The following SNRNP200 variants were observed in gnomAD, a reference collection of about 807,000 sequenced individuals.
SNRNP200 encodes the protein U5 small nuclear ribonucleoprotein 200 kDa helicase.
In SNRNP200, 66 loss-of-function variants were observed where a neutral mutation model predicts 255.2. The ratio of observed to expected loss-of-function variants is 0.26; its 90% confidence interval spans 0.21 to 0.32. The LOEUF is 0.32. SNRNP200 is among the 10% of genes least tolerant of loss of function. SNRNP200 has a pLI of 1.00. For missense variants in SNRNP200, 1,585 were observed against 2,749.8 expected, an observed-to-expected ratio of 0.58 and a Z score of 9.47; for synonymous variants, 939 against 1,027.8, an observed-to-expected ratio of 0.91 and a Z score of 1.65.
At chr2:96,304,472 C>T (rs2063974545) in intron 2 of SNRNP200, among the ~76,000 whole-genome samples, 4 of 152,170 alleles carry the variant, frequency 2.6e-5, no homozygotes, top group Non-Finnish European at 4.4e-5. Context: ...TAAGATCTGT[C>T]TATGGACCAG....
rs1019996526 is a variant in SNRNP200 at position 96,286,202 on chromosome 2, C to G, written c.4003+109G>C. The G allele has an allele frequency of 1.8e-6, 2 of 1,085,476 alleles. No homozygotes were observed. The highest frequency in any genetic ancestry group is 1.5e-5 in the African/African-American group (1 of 64,716). The allele number at this position is 1,085,476 out of a possible 1,614,324, so 67.2% of individuals were successfully genotyped here. A position where few individuals can be genotyped will look rare whatever the true frequency, so the allele number is the denominator to read the frequency against. ...GGGTCCCAGCGGTCACACTGAGGAG[C>G]TCCCAGACCTCCCAAGTGCCTGAGC... is the stretch of plus-strand genomic sequence containing the variant. On this transcript the variant is annotated intron_variant, in intron 29 of 44. Coordinates refer to ENST00000323853, the MANE Select transcript of SNRNP200 (RefSeq NM_014014.5). The surrounding 1 kb of genome is among the most constrained non-coding windows in gnomAD (Gnocchi z 4.8).
chr2:96,289,475 T>C, intron 21 of SNRNP200, 96 bp from the exon 22 acceptor site: 1 of 1,260,064 alleles, frequency 7.9e-7, no homozygotes. Flanking sequence ...TTTTTTGTAC[T>C]TTTTTTTTGG....
rs2104326948 is a variant in SNRNP200 at position 96,274,992 on chromosome 2, A to G, written c.*20T>C. ...ATTCAGGCTCAACTCTCCTTTACCC[A>G]AAAGTAAATGCCTCAGGACTCAATC... On this transcript the variant is annotated 3_prime_UTR_variant, in exon 45 of 45. Transcript: ENST00000323853. The G allele has an allele frequency of 1.9e-6, 3 of 1,613,210 alleles. No homozygotes were observed. The highest frequency in any genetic ancestry group is 2.5e-6 in the Non-Finnish European group (3 of 1,179,866).
At position 96,274,481 on chromosome 2, in the gene SNRNP200, C is replaced by T. The variant is rs947699309; in HGVS notation, c.*531G>A. On this transcript the variant is annotated 3_prime_UTR_variant, in exon 45 of 45. Coordinates refer to ENST00000323853, the MANE Select transcript of SNRNP200 (RefSeq NM_014014.5). ...AACCCCTAACCTGTGATCTAGCTTC[C>T]GAGGCTCAGTGTTGGTTCTTGTGGT... 3.5e-5 allele frequency: 6 copies of T among 169,858 alleles called. No homozygotes were observed. Among genetic ancestry groups the T allele is most frequent in the African/African-American group, 7.2e-5 (3 of 41,644 alleles). 10.5% of individuals were successfully genotyped at this position (169,858 alleles called of 1,614,324 possible).
chr2:96,284,820 G>A, intron 30 of SNRNP200: 1 of 559,746 alleles, frequency 1.8e-6, no homozygotes, highest in Non-Finnish European at 3.2e-6. Flanking sequence ...TGCGAACTTG[G>A]CTCACTGCAA....
Position 96,301,689 on chromosome 2 carries a change from C to T in SNRNP200, c.409G>A (p.Asp137Asn). 6.2e-7 allele frequency: 1 copy of T among 1,614,174 alleles called. No homozygotes were observed. The highest frequency in any genetic ancestry group is 2.2e-5 in the East Asian group (1 of 44,880). ...QPRDILCGAA[D>N]EVLAVLKNEK... ...TTCTTTAGAACAGCTAGAACTTCAT[C>T]AGCTGCCCCACAAAGGATATCACGT... The change falls in exon 4 of 45, where the codon GAT (aspartate) becomes AAT (asparagine). Residue 137 changes from aspartate to asparagine, a missense_variant. By Grantham distance (23) the Asp-to-Asn change is conservative. Transcript: ENST00000323853.
chr2:96,290,959 C>T lies in SNRNP200; in HGVS notation c.2422-144G>A, dbSNP rs1435127317. The T allele has an allele frequency of 9.1e-6, 8 of 878,526 alleles. No individual in the cohort carries two copies. Among genetic ancestry groups the T allele is most frequent in the Non-Finnish European group, 1.1e-5 (6 of 542,004 alleles). The allele number at this position is 878,526 out of a possible 1,614,324, so 54.4% of individuals were successfully genotyped here. On this transcript the variant is annotated intron_variant, in intron 18 of 44. Transcript: ENST00000323853. This position sits in a 1 kb window ranked among gnomAD's most constrained non-coding sequence, Gnocchi z 4.5. ...GGGGTCCCAGTACTTGTCAATGTGA[C>T]ACCAGAATAAAGAGGAAAGGTTTCC...
Position 96,287,182 on chromosome 2 carries a change from G to A in SNRNP200, c.3485-22C>T, listed in dbSNP as rs201115110. 1.7e-4 allele frequency: 267 copies of A among 1,614,130 alleles called. No homozygotes were observed. The highest frequency in any genetic ancestry group is 1.9e-4 in the Non-Finnish European group (223 of 1,180,008). ...TCCCCTACAAGGAAATGAGAGTACT[G>A]AGGCTGCAGCCCAGCCTGCCTACTA... On this transcript the variant is annotated intron_variant, in intron 26 of 44. Transcript: ENST00000323853. The surrounding 1 kb of genome is among the most constrained non-coding windows in gnomAD (Gnocchi z 5.7).
intron 16 of SNRNP200, 103 bp downstream of exon 16, chr2:96,292,869 T>A (rs532179180): frequency 7.3e-7 from 1 of 1,366,636 alleles, no homozygotes; most frequent in African/African-American, 1.4e-5. Flanking sequence ...GTGATTTATG[T>A]TGTGTCTTCT....
In SNRNP200 at chr2:96,286,815, C is replaced by A; in HGVS notation, c.3702G>T (p.Leu1234=). ...CCTTGAGGAGAAAATACTCATGGTG[C>A]AGAATCACCTCGCTGTCCACATCCT... is the stretch of plus-strand genomic sequence containing the variant. ...LVEDVDSEVI[L]HHEYFLLKAK... Residue 1234 remains leucine, a synonymous_variant, in exon 28 of 45, where the codon CTG becomes CTT. Transcript: ENST00000323853. The surrounding 1 kb of genome is among the most constrained non-coding windows in gnomAD (Gnocchi z 4.8). 6.2e-7 allele frequency: 1 copy of A among 1,614,174 alleles called. No individual in the cohort carries two copies.
At position 96,277,596 on chromosome 2, in the gene SNRNP200, T is replaced by A. The variant is rs780021371; in HGVS notation, c.5874A>T (p.Ser1958=). 1 of 1,613,738 alleles carries A rather than the reference T, an allele frequency of 6.2e-7. No homozygotes were observed. The highest frequency in any genetic ancestry group is 2.2e-5 in the East Asian group (1 of 44,902). Reference sequence around the variant, plus strand: ...TGAAGTGTGGCAGCTGCTTCAGGTATGAGTCCTTGGACCACATGGCTTGGG... The same window carrying A: ...TGAAGTGTGGCAGCTGCTTCAGGTAAGAGTCCTTGGACCACATGGCTTGGG... ...MVTQAMWSKD[S]YLKQLPHFTS... is the part of the protein sequence containing the mutation. Residue 1958 remains serine (S), a synonymous_variant, in exon 41 of 45, where the codon TCA becomes TCT. Transcript: ENST00000323853. The surrounding 1 kb of genome is among the most constrained non-coding windows in gnomAD (Gnocchi z 4.4).
intron 43 of SNRNP200, among the ~76,000 whole-genome samples, chr2:96,275,799 G>C (rs1212385464): frequency 1.3e-5 from 2 of 152,214 alleles, no homozygotes; most frequent in Non-Finnish European, 2.9e-5. Context: ...CCAGGAGATC[G>C]AGACCATACT....
rs1375611966 is a variant in SNRNP200, at chr2:96,301,778, G to A, written c.382-62C>T. ...ACGACAGGCAAAACATCTTCAACCA[G>A]GTGTATGTGGCGGCAGGATGTGAAG... On this transcript the variant is annotated intron_variant, in intron 3 of 44. Coordinates refer to ENST00000323853, the MANE Select transcript of SNRNP200 (RefSeq NM_014014.5). 2.5e-6 allele frequency: 4 copies of A among 1,579,830 alleles called. No homozygotes were observed. In the East Asian group the frequency reaches 6.7e-5, roughly 26 times the overall value.
At position 96,305,474 on chromosome 2, in the gene SNRNP200, T is replaced by TC. The variant is rs774505082; in HGVS notation, c.-38dup. 1.6e-5 allele frequency: 26 copies of TC among 1,612,956 alleles called. No individual in the cohort carries two copies. In the South Asian group the frequency reaches 2.6e-4, roughly 16 times the overall value. On this transcript the variant is annotated 5_prime_UTR_variant, in exon 1 of 45. Transcript: ENST00000323853. ...CTCGGAGGCTTCAGACCACCACGCCTCCCTACCGCAAGCTGCAAACGGCCG... is the reference window on the plus strand; with the variant it reads ...CTCGGAGGCTTCAGACCACCACGCCTCCCCTACCGCAAGCTGCAAACGGCCG...
rs1558762844 is a variant in SNRNP200 at position 96,277,730 on chromosome 2, G to A, written c.5755-15C>T. Reference sequence around the variant, plus strand: ...AGCCGGATTGCCTGAACAGGAAAAGGAGTATAAAAGTGGGCGGAGTTGGAG... The same window carrying A: ...AGCCGGATTGCCTGAACAGGAAAAGAAGTATAAAAGTGGGCGGAGTTGGAG... On this transcript the variant is annotated splice_polypyrimidine_tract_variant and intron_variant, in intron 40 of 44. Transcript: ENST00000323853. The surrounding 1 kb of genome is among the most constrained non-coding windows in gnomAD (Gnocchi z 4.4). The A allele has an allele frequency of 1.2e-6, 2 of 1,614,152 alleles. No individual in the cohort carries two copies. Among genetic ancestry groups the A allele is most frequent in the Non-Finnish European group, 1.7e-6 (2 of 1,180,034 alleles).
chr2:96,287,133 C>T lies in SNRNP200; in HGVS notation c.3512G>A (p.Gly1171Glu). Reference sequence around the variant, plus strand: ...ATGGACATATTTGTGGATGGTCTTCCCCATCTTTGGCATGCGGATAAGCTC... The same window carrying T: ...ATGGACATATTTGTGGATGGTCTTCTCCATCTTTGGCATGCGGATAAGCTC... ...IGELIRMPKM[G>E]KTIHKYVHLF... is the part of the protein sequence containing the mutation. The change falls in exon 27 of 45, where the codon GGG becomes GAG. Residue 1171 changes from glycine (G) to glutamate (E), a missense_variant. By Grantham distance (98) the Gly-to-Glu change is moderately conservative (BLOSUM62 -2). This residue lies in a region of SNRNP200 where 719 missense variants were observed against 1,091.1 expected (regional missense o/e 0.66). Transcript: ENST00000323853. The surrounding 1 kb of genome is among the most constrained non-coding windows in gnomAD (Gnocchi z 5.7). 6.2e-7 allele frequency: 1 copy of T among 1,614,188 alleles called. No individual in the cohort carries two copies. The highest frequency in any genetic ancestry group is 8.5e-7 in the Non-Finnish European group (1 of 1,180,022).
Position 96,283,450 on chromosome 2 carries a change from C to G in SNRNP200, c.4763+85G>C. On this transcript the variant is annotated intron_variant, in intron 33 of 44. Coordinates refer to ENST00000323853, the MANE Select transcript of SNRNP200 (RefSeq NM_014014.5). The surrounding 1 kb of genome is among the most constrained non-coding windows in gnomAD (Gnocchi z 4.7). ...CCTGGCCCCAAGCAACATGGGCTAA[C>G]CCCACCCTCATAAAGAGGACACCCT... The G allele has an allele frequency of 6.2e-7, 1 of 1,612,386 alleles. No homozygotes were observed. The highest frequency in any genetic ancestry group is 8.5e-7 in the Non-Finnish European group (1 of 1,178,830).
Position 96,303,204 on chromosome 2 carries a change from G to T in SNRNP200, c.336C>A (p.Thr112=), listed in dbSNP as rs143313285. The change falls in exon 3 of 45, where the codon ACC becomes ACA. Residue 112 remains threonine (T), a synonymous_variant. Transcript: ENST00000323853. ...YKPKTKETRE[T]YEVLLSFIQA... is the part of the protein sequence containing the mutation. ...GGATGAAGCTGAGTAGCACCTCATA[G>T]GTCTCCCGAGTCTCTTTAGTTTTGG... 2.2e-5 allele frequency: 36 copies of T among 1,614,056 alleles called. No homozygotes were observed. The African/African-American group carries it at 4.4e-4, about 20-fold the overall frequency.
rs549581234 is a variant in SNRNP200, at chr2:96,287,846, G to A, written c.3365+17C>T. 4.3e-6 allele frequency: 7 copies of A among 1,609,764 alleles called. No homozygotes were observed. In the South Asian group the frequency reaches 6.6e-5, roughly 15 times the overall value. ...CCCCACTCATGGTGACCAGCATCCA[G>A]CTCACTGGGTCCTTACATGCGTTTG... On this transcript the variant is annotated intron_variant, in intron 25 of 44. Coordinates refer to ENST00000323853, the MANE Select transcript of SNRNP200 (RefSeq NM_014014.5). This position sits in a 1 kb window ranked among gnomAD's most constrained non-coding sequence, Gnocchi z 5.7.
Sources: gnomAD v4.1 joint callset for allele counts (sites outside exome capture counted in the v4.1 genomes callset) on GRCh38, gnomAD v4.1.1 for gene constraint, gnomAD v4.1.1 regional missense constraint, Gnocchi (gnomAD v3.1) non-coding constraint, MANE v1.5 for transcripts, NCBI Gene and HGNC (gene_info 2026-07-23, HGNC 2026-07-21) for gene names.